The following HS6ST3 variants were observed in gnomAD, a reference collection of about 807,000 sequenced individuals.
HS6ST3 encodes heparan-sulfate 6-O-sulfotransferase 3.
Under a neutral mutation model 36.7 loss-of-function variants are expected in HS6ST3, and 12 were observed. The ratio of observed to expected loss-of-function variants is 0.33; its 90% CI spans 0.21 to 0.53. HS6ST3 has a LOEUF of 0.53. Ranked by LOEUF, HS6ST3 falls within the 20% of genes least tolerant of loss-of-function variation. The pLI, the probability that HS6ST3 is intolerant of heterozygous loss-of-function variation, is 0.95. For missense variants in HS6ST3, 584 were observed against 640.9 expected (o/e 0.91, Z 0.96); for synonymous variants, 240 against 257.5 (o/e 0.93, Z 0.65).
chr13:96,699,400 A>T (rs1251048114), intron 1 of HS6ST3, among the ~76,000 whole-genome samples: 5 of 152,228 alleles, frequency 3.3e-5, no homozygotes, highest in Non-Finnish European at 7.3e-5. Context: ...AAACAAATTT[A>T]CAAGAAAAAA....
At chr13:96,538,504 C>T (rs910409290) in intron 1 of HS6ST3, among the ~76,000 whole-genome samples, 11 of 152,154 alleles carry the variant, frequency 7.2e-5, no homozygotes, top group African/African-American at 1.9e-4. Flanking sequence ...AGTGCAGTGG[C>T]ACGATCTTGG....
chr13:96,556,120 A>G (rs974253808), intron 1 of HS6ST3, among the ~76,000 whole-genome samples: 1 of 152,156 alleles, frequency 6.6e-6, no homozygotes, highest in Non-Finnish European at 1.5e-5. Flanking sequence ...TTGAATCTAA[A>G]CCACTCTTAT....
chr13:96,717,025 T>C (rs1483619359), intron 1 of HS6ST3, among the ~76,000 whole-genome samples: 1 of 152,046 alleles, frequency 6.6e-6, no homozygotes, highest in African/African-American at 2.4e-5. Context: ...ACCTGTGAAA[T>C]GTGGAGCTCA....
At chr13:96,535,150 A>G (rs2056150246) in intron 1 of HS6ST3, among the ~76,000 whole-genome samples, 1 of 152,168 alleles carries the variant, frequency 6.6e-6, no homozygotes, top group Admixed American at 6.5e-5. Context: ...GGACTGGGGT[A>G]GAAACATGAA....
intron 1 of HS6ST3, among the ~76,000 whole-genome samples, chr13:96,692,347 A>G (rs1450274295): frequency 6.6e-6 from 1 of 152,166 alleles, no homozygotes; most frequent in Non-Finnish European, 1.5e-5. Flanking sequence ...CACTATGTAA[A>G]TAGTTGTTAT....
At chr13:96,396,278 C>T (rs958846207) in intron 1 of HS6ST3, among the ~76,000 whole-genome samples, 1 of 152,094 alleles carries the variant, frequency 6.6e-6, no homozygotes, top group Non-Finnish European at 1.5e-5. Context: ...CACACCACTA[C>T]ACTCTAGCCT....
rs2053753764 is a variant in HS6ST3 at position 96,090,291 on chromosome 13, C to T, written c.-572C>T. Reference sequence around the variant, plus strand: ...GCAAACTTGCGGCGAGCGCCGTCAGCCCTCGCGGCTCCACAGCCCCGCGAC... The same window carrying T: ...GCAAACTTGCGGCGAGCGCCGTCAGTCCTCGCGGCTCCACAGCCCCGCGAC... On this transcript the variant is annotated 5_prime_UTR_variant, in exon 1 of 2. Coordinates refer to ENST00000376705, the MANE Select transcript of HS6ST3 (RefSeq NM_153456.4). Among the ~76,000 whole-genome samples, 1 of 150,410 alleles carries T rather than the reference C, an allele frequency of 6.6e-6. No individual in the cohort carries two copies. Among genetic ancestry groups the T allele is most frequent in the African/African-American group, 2.4e-5 (1 of 41,218 alleles).
At chr13:96,619,437 G>A (rs1378743643) in intron 1 of HS6ST3, among the ~76,000 whole-genome samples, 1 of 152,142 alleles carries the variant, frequency 6.6e-6, no homozygotes, top group Non-Finnish European at 1.5e-5. Context: ...TATTTATCAA[G>A]TGCTGACTGG....
chr13:96,495,420 C>T (rs1052010264), intron 1 of HS6ST3, among the ~76,000 whole-genome samples: 1 of 152,176 alleles, frequency 6.6e-6, no homozygotes, highest in African/African-American at 2.4e-5. Context: ...TTTCCTTCAT[C>T]ATTACCCCCT....
Position 96,634,715 on chromosome 13 carries a change from G to T in HS6ST3, c.708-197775G>T, listed in dbSNP as rs539405017. 7.9e-5 allele frequency among the ~76,000 whole-genome samples: 12 copies of T among 152,240 alleles called. No homozygotes were observed. The South Asian group carries it at 2.3e-3, about 29-fold the overall frequency. ...CGGGAACTCTCATTCTGTCTCACAT[G>T]TATGTCTCTGAAATATATTCTCATC... On this transcript the variant is annotated intron_variant, in intron 1 of 1. Transcript: ENST00000376705.
At position 96,091,153 on chromosome 13, in the gene HS6ST3, C is replaced by A. The variant is rs767998739; in HGVS notation, c.291C>A (p.Asp97Glu). 7 of 1,535,276 alleles carry A rather than the reference C, an allele frequency of 4.6e-6. No individual in the cohort carries two copies. The highest frequency in any genetic ancestry group is 1.2e-5 in the South Asian group (1 of 82,106). ...AGGAGGAGGACGAGGAGCCCGGAGA[C>A]CCCCGGGAGGGGGAGGAAGAGGAGG... ...APEEEDEEPGDPREGEEEEEE... is the reference protein window; with the variant it reads ...APEEEDEEPGEPREGEEEEEE... Residue 97 changes from aspartate (D) to glutamate (E), a missense_variant, in exon 1 of 2, where the codon GAC becomes GAA. Around this residue, in one of 3 missense-constraint regions of HS6ST3, gnomAD observed 217 missense variants for 205.4 expected, o/e 1.06. Transcript: ENST00000376705.
Position 96,090,247 on chromosome 13 carries a change from G to C in HS6ST3, c.-616G>C, listed in dbSNP as rs1157800197. Among the ~76,000 whole-genome samples the C allele has an allele frequency of 2.6e-5, 4 of 151,726 alleles. No individual in the cohort carries two copies. The highest frequency in any genetic ancestry group is 7.2e-5 in the African/African-American group (3 of 41,388). ...CAGAGGCGCCTCGCCCGCTGCCGCT[G>C]CGCTGCGGGGGCCGCTCTGCAAACT... On this transcript the variant is annotated 5_prime_UTR_variant, in exon 1 of 2. Transcript: ENST00000376705.
intron 1 of HS6ST3, among the ~76,000 whole-genome samples, chr13:96,317,376 A>ATAAT (rs1566322209): frequency 1.5e-3 from 11 of 7,318 alleles, no homozygotes; most frequent in Non-Finnish European, 3.3e-3. Context: ...ATAAAATTAT[A>ATAAT]TATATATATA....
chr13:96,151,400 T>C (rs1327704157), intron 1 of HS6ST3, among the ~76,000 whole-genome samples: 1 of 74,166 alleles, frequency 1.3e-5, no homozygotes, highest in Non-Finnish European at 2.9e-5. Context: ...CAAGACTCCA[T>C]CTTGGAAAAA....
chr13:96,832,383 A>T, intron 1 of HS6ST3, 107 bp from the exon 2 acceptor site: 1 of 770,938 alleles, frequency 1.3e-6, no homozygotes. Flanking sequence ...TCACATGAAC[A>T]TTTGGCAAAG....
chr13:96,457,832 AT>A (rs1235626268), intron 1 of HS6ST3, among the ~76,000 whole-genome samples: 3 of 151,960 alleles, frequency 2.0e-5, no homozygotes, highest in Non-Finnish European at 2.9e-5. Flanking sequence ...GCATGTAGGC[AT>A]TTTTTTTCCA....
intron 1 of HS6ST3, among the ~76,000 whole-genome samples, chr13:96,265,425 C>T (rs997642346): frequency 6.6e-6 from 1 of 152,128 alleles, no homozygotes; most frequent in Admixed American, 6.6e-5. Context: ...AACAATCCTC[C>T]TGCCTCGGCC....
intron 1 of HS6ST3, among the ~76,000 whole-genome samples, chr13:96,097,964 A>C (rs1412848052): frequency 6.6e-6 from 1 of 152,244 alleles, no homozygotes. Flanking sequence ...CTGTTATTTC[A>C]GGTGCAAATT....
chr13:96,618,423 T>C (rs963428630), intron 1 of HS6ST3, among the ~76,000 whole-genome samples: 10 of 152,080 alleles, frequency 6.6e-5, no homozygotes, highest in Non-Finnish European at 1.3e-4. Context: ...TTCAGAGTAA[T>C]TTTTACCTTT....
Sources: gnomAD v4.1 joint callset for allele counts (sites outside exome capture counted in the v4.1 genomes callset) on GRCh38, gnomAD v4.1.1 for gene constraint, gnomAD v4.1.1 regional missense constraint, MANE v1.5 for transcripts, NCBI Gene and HGNC (gene_info 2026-07-23, HGNC 2026-07-21) for gene names.